Variants in KPNA7 observed in about 807,000 individuals in gnomAD.
The protein encoded by KPNA7 is karyopherin subunit alpha 7.
Under a neutral mutation model 53.7 loss-of-function variants are expected in KPNA7, and 54 were observed. That is an observed-to-expected ratio of 1.01 (90% CI 0.81 to 1.26). The LOEUF (loss-of-function observed/expected upper bound fraction) is 1.26, where lower values mean the gene tolerates loss of function less well. KPNA7 is among the 50% of genes most tolerant of loss of function. The probability of loss-of-function intolerance (pLI) is 0.00; values close to 1 mark genes in which losing one functional copy is unlikely to be tolerated. For synonymous variants in KPNA7, 276 were observed against 259.3 expected, an observed-to-expected ratio of 1.06 and a Z score of -0.62; for missense variants, 640 against 644.5, an observed-to-expected ratio of 0.99 and a Z score of 0.07.
At chr7:99,169,731 A>C (rs1325239355), downstream of KPNA7, among the ~76,000 whole-genome samples, 1 of 151,464 alleles carries the variant, frequency 6.6e-6, no homozygotes, top group Non-Finnish European at 1.5e-5. Flanking sequence ...AAAACTAACC[A>C]GCCCATGAAA....
chr7:99,178,019 T>G lies in KPNA7; in HGVS notation c.1365A>C (p.Glu455Asp), dbSNP rs1009637678. Reference sequence around the variant, plus strand: ...CAATTCTATCGATCCCACCAAGTTCTTCTATCAGAAGACACAGGTTTTCCT... The same window carrying G: ...CAATTCTATCGATCCCACCAAGTTCGTCTATCAGAAGACACAGGTTTTCCT... ...SEKENLCLLI[E>D]ELGGIDRIEA... Residue 455 changes from glutamate (E) to aspartate (D), a missense_variant, in exon 10 of 11, where the codon GAA (glutamate) becomes GAC (aspartate). Coordinates refer to ENST00000327442, the MANE Select transcript of KPNA7 (RefSeq NM_001145715.3). 3.2e-6 allele frequency: 5 copies of G among 1,551,632 alleles called. No homozygotes were observed. The highest frequency in any genetic ancestry group is 3.5e-6 in the Non-Finnish European group (4 of 1,147,008).
chr7:99,207,339 C>T, intron 2 of KPNA7, 62 bp downstream of exon 2: 2 of 1,440,922 alleles, frequency 1.4e-6, no homozygotes, highest in South Asian at 2.4e-5. Context: ...GGTCTCTTCA[C>T]CCCGCTTTTT....
rs957650154 is a variant in KPNA7, at chr7:99,178,296, G to A, written c.1318-230C>T. On this transcript the variant is annotated intron_variant, in intron 9 of 10. Transcript: ENST00000327442. The stretch of plus-strand genomic sequence containing the variant: ...ATATATCATAAATATAGGGCCGGGC[G>A]CAGTGTCTCATGCCTGTAATCCAAC... Among the ~76,000 whole-genome samples the A allele has an allele frequency of 5.3e-5, 8 of 152,234 alleles. No individual in the cohort carries two copies. In the East Asian group the frequency reaches 5.8e-4, roughly 11 times the overall value.
chr7:99,188,892 G>C (rs572647599), intron 6 of KPNA7, among the ~76,000 whole-genome samples: 2 of 152,212 alleles, frequency 1.3e-5, no homozygotes, highest in East Asian at 3.9e-4. Context: ...ATGTTGCCCA[G>C]ACTGGTCTTG....
chr7:99,153,750 C>A, the KPNA7 span, among the ~76,000 whole-genome samples: 1 of 151,938 alleles, frequency 6.6e-6, no homozygotes, highest in Non-Finnish European at 1.5e-5. Context: ...GAAAGGACTG[C>A]TTGAGCCCAG....
intron 7 of KPNA7, among the ~76,000 whole-genome samples, chr7:99,187,310 T>C (rs2150730630): frequency 6.6e-6 from 1 of 152,018 alleles, no homozygotes; most frequent in East Asian, 1.9e-4. Context: ...AATAATAACC[T>C]AGAAAAGCAA....
At chr7:99,161,003 G>A in the KPNA7 span, among the ~76,000 whole-genome samples, 1 of 152,258 alleles carries the variant, frequency 6.6e-6, no homozygotes, top group African/African-American at 2.4e-5. Context: ...TGGGACTACA[G>A]GCATGTGCCA....
chr7:99,190,409 T>C (rs928649077), intron 6 of KPNA7, among the ~76,000 whole-genome samples: 1 of 151,912 alleles, frequency 6.6e-6, no homozygotes, highest in Non-Finnish European at 1.5e-5. Flanking sequence ...ACACCAAACC[T>C]GGTTTTCTAT....
At position 99,190,861 on chromosome 7, in the gene KPNA7, C is replaced by A. The variant is rs531110893; in HGVS notation, c.636+2158G>T. ...GCGGCCAGCCAGGTCATGTTTGTGA[C>A]CCCTGGCCCCAGCTGACCTTGCCTG... On this transcript the variant is annotated intron_variant, in intron 6 of 10. Transcript: ENST00000327442. 2.2e-4 allele frequency among the ~76,000 whole-genome samples: 34 copies of A among 152,068 alleles called. No individual in the cohort carries two copies. In the South Asian group the frequency reaches 6.9e-3, roughly 31 times the overall value.
intron 9 of KPNA7, 106 bp downstream of exon 9, chr7:99,181,777 C>G: frequency 2.0e-6 from 2 of 989,290 alleles, no homozygotes; most frequent in Non-Finnish European, 2.8e-6. Context: ...GGTGATCCAC[C>G]TGTCTCAGCC....
chr7:99,212,314 A>G (rs1395277451), upstream of KPNA7, among the ~76,000 whole-genome samples: 1 of 134,306 alleles, frequency 7.4e-6, no homozygotes, highest in South Asian at 2.3e-4. Flanking sequence ...GTGCGATCTC[A>G]GCTCACTGCA....
At position 99,207,483 on chromosome 7, in the gene KPNA7, A is replaced by G; in HGVS notation, c.-17T>C. ...GGTCGGCATATTGACTGGAAGTAGTAAGTTACCTGCAGGTTGGACAGCAAC... is the reference window on the plus strand; with the variant it reads ...GGTCGGCATATTGACTGGAAGTAGTGAGTTACCTGCAGGTTGGACAGCAAC... On this transcript the variant is annotated 5_prime_UTR_variant, in exon 2 of 11. Coordinates refer to ENST00000327442, the MANE Select transcript of KPNA7 (RefSeq NM_001145715.3). 6.5e-7 allele frequency: 1 copy of G among 1,543,988 alleles called. No individual in the cohort carries two copies. Among genetic ancestry groups the G allele is most frequent in the Non-Finnish European group, 8.8e-7 (1 of 1,140,098 alleles).
At chr7:99,149,326 A>C in the KPNA7 span, among the ~76,000 whole-genome samples, 3 of 152,166 alleles carry the variant, frequency 2.0e-5, no homozygotes, top group Admixed American at 6.6e-5. Context: ...GAAAAGAGGA[A>C]GACTATGACC....
chr7:99,197,046 ACAAC>A (rs1347580559), intron 3 of KPNA7, among the ~76,000 whole-genome samples: 3 of 151,578 alleles, frequency 2.0e-5, no homozygotes, highest in African/African-American at 7.3e-5. Context: ...AACAACAACA[ACAAC>A]AAAACTAAGA....
downstream of KPNA7, among the ~76,000 whole-genome samples, chr7:99,169,386 G>A (rs564140677): frequency 7.2e-5 from 11 of 151,964 alleles, no homozygotes; most frequent in Admixed American, 1.3e-4. Context: ...TTGGGAGGCC[G>A]AGGTGGGCAG....
intron 6 of KPNA7, among the ~76,000 whole-genome samples, chr7:99,189,074 G>A (rs1370632335): frequency 6.6e-6 from 1 of 152,184 alleles, no homozygotes; most frequent in Non-Finnish European, 1.5e-5. Flanking sequence ...ACATTCCAAT[G>A]TTAGATGGAG....
Position 99,200,043 on chromosome 7 carries a change from C to T in KPNA7, c.201+3063G>A, listed in dbSNP as rs1414326963. 3.9e-5 allele frequency among the ~76,000 whole-genome samples: 6 copies of T among 152,106 alleles called. No homozygotes were observed. In the East Asian group the frequency reaches 1.2e-3, roughly 29 times the overall value. ...TCAGCCTTCCTAATAGCTGGGACTA[C>T]AGGTGCATGCCACCACACCCAGCTA... is the stretch of plus-strand genomic sequence containing the variant. On this transcript the variant is annotated intron_variant, in intron 3 of 10. Transcript: ENST00000327442.
At chr7:99,167,192 TG>T in the KPNA7 span, among the ~76,000 whole-genome samples, 1 of 152,210 alleles carries the variant, frequency 6.6e-6, no homozygotes, top group Non-Finnish European at 1.5e-5. Context: ...CTCTGTGCCC[TG>T]GCCCCACTGT....
chr7:99,204,057 TCC>T (rs1213202769), intron 2 of KPNA7, among the ~76,000 whole-genome samples: 4 of 151,954 alleles, frequency 2.6e-5, no homozygotes, highest in Non-Finnish European at 5.9e-5. Flanking sequence ...AAAGCCTTCA[TCC>T]CCAAGTCTAC....
Sources: gnomAD v4.1 joint callset for allele counts (sites outside exome capture counted in the v4.1 genomes callset) on GRCh38, gnomAD v4.1.1 for gene constraint, MANE v1.5 for transcripts, NCBI Gene and HGNC (gene_info 2026-07-23, HGNC 2026-07-21) for gene names.